The following KIRREL3 variants were observed in gnomAD, a reference collection of about 807,000 sequenced individuals.
The protein encoded by KIRREL3 is kirre like nephrin family adhesion molecule 3.
A neutral mutation model predicts 89.7 loss-of-function variants in KIRREL3; 36 were observed. That is an observed-to-expected ratio of 0.40 (90% CI 0.31 to 0.53). KIRREL3 has a LOEUF of 0.53. Ranked by LOEUF, KIRREL3 falls within the 20% of genes least tolerant of loss-of-function variation. The probability of loss-of-function intolerance (pLI) is 0.49; values close to 1 mark genes in which losing one functional copy is unlikely to be tolerated. For synonymous variants in KIRREL3, 445 were observed against 441.4 expected (o/e 1.01, Z -0.10); for missense variants, 864 against 1,056.6 (o/e 0.82, Z 2.53).
At chr11:126,967,322 C>T (rs1361885923) in intron 1 of KIRREL3, among the ~76,000 whole-genome samples, 2 of 152,114 alleles carry the variant, frequency 1.3e-5, no homozygotes, top group African/African-American at 4.8e-5. Flanking sequence ...TTCTAACAGC[C>T]CCTGGAACCT....
chr11:126,712,350 C>T (rs1324420469), intron 1 of KIRREL3, among the ~76,000 whole-genome samples: 6 of 152,050 alleles, frequency 3.9e-5, no homozygotes, highest in Admixed American at 3.9e-4. Flanking sequence ...CCCAAGGCGG[C>T]CTCTCTGAGT....
chr11:126,652,353 C>T lies in KIRREL3; in HGVS notation c.56-89441G>A, dbSNP rs1339089190. 6.6e-6 allele frequency among the ~76,000 whole-genome samples: 1 copy of T among 152,124 alleles called. No homozygotes were observed. The highest frequency in any genetic ancestry group is 1.5e-5 in the Non-Finnish European group (1 of 68,024). Reference sequence around the variant, plus strand: ...CTTAGGGCACAAAGAAGAACCAAGACAGGAGAGGAAGCCTGGGCCAAGCCT... The same window carrying T: ...CTTAGGGCACAAAGAAGAACCAAGATAGGAGAGGAAGCCTGGGCCAAGCCT... On this transcript the variant is annotated intron_variant, in intron 1 of 16. Coordinates refer to ENST00000525144, the MANE Select transcript of KIRREL3 (RefSeq NM_032531.4). The surrounding 1 kb of genome is among the most constrained non-coding windows in gnomAD (Gnocchi z 4.9).
intron 1 of KIRREL3, among the ~76,000 whole-genome samples, chr11:126,756,589 A>G (rs1949510533): frequency 6.6e-6 from 1 of 152,236 alleles, no homozygotes; most frequent in South Asian, 2.1e-4. Flanking sequence ...CATCCCTGGA[A>G]GAGAGTGGAG....
intron 1 of KIRREL3, among the ~76,000 whole-genome samples, chr11:126,598,443 T>A (rs1942498802): frequency 6.6e-6 from 1 of 152,194 alleles, no homozygotes; most frequent in South Asian, 2.1e-4. Flanking sequence ...TATTCAGAGA[T>A]CACTGGTAGG....
At chr11:126,712,478 G>A (rs1416882924) in intron 1 of KIRREL3, among the ~76,000 whole-genome samples, 1 of 152,314 alleles carries the variant, frequency 6.6e-6, no homozygotes, top group South Asian at 2.1e-4. Flanking sequence ...CACCTCGCCC[G>A]TCCTTGGGTT....
At chr11:126,934,220 G>C (rs1622650) in intron 1 of KIRREL3, among the ~76,000 whole-genome samples, 133,688 of 152,186 alleles carry the variant, frequency 0.88, 58,917 homozygotes, top group Middle Eastern at 0.96. Flanking sequence ...TGGAAGAATA[G>C]TCTTTTCAAC....
At chr11:126,975,986 C>A (rs1949564183) in intron 1 of KIRREL3, among the ~76,000 whole-genome samples, 1 of 143,048 alleles carries the variant, frequency 7.0e-6, no homozygotes, top group East Asian at 2.2e-4. Context: ...CAGTATATGC[C>A]CCAGTTTGTA....
rs931069760 is a variant in KIRREL3, at chr11:126,768,261, C to A, written c.56-205349G>T. Among the ~76,000 whole-genome samples the A allele has an allele frequency of 2.7e-5, 4 of 147,068 alleles. No individual in the cohort carries two copies. Among genetic ancestry groups the A allele is most frequent in the African/African-American group, 7.8e-5 (3 of 38,634 alleles). ...ATCTGTCCATCCATACATGCATCCA[C>A]CCATCCATCCATCCATTCATCCATC... On this transcript the variant is annotated intron_variant, in intron 1 of 16. Coordinates refer to ENST00000525144, the MANE Select transcript of KIRREL3 (RefSeq NM_032531.4). The surrounding 1 kb of genome is among the most constrained non-coding windows in gnomAD (Gnocchi z 4.5).
At position 126,895,292 on chromosome 11, in the gene KIRREL3, G is replaced by A. The variant is rs111881663; in HGVS notation, c.55+105163C>T. 4.5e-3 allele frequency among the ~76,000 whole-genome samples: 683 copies of A among 151,786 alleles called. 3 individuals carry two copies. The highest frequency in any genetic ancestry group is 0.014 in the African/African-American group (592 of 41,396). ...AGCCTGGGCAACATGGTGAAACCCC[G>A]TCTCTACTAAAAATACAAAAATTAG... is the stretch of plus-strand genomic sequence containing the variant. On this transcript the variant is annotated intron_variant, in intron 1 of 16. Coordinates refer to ENST00000525144, the MANE Select transcript of KIRREL3 (RefSeq NM_032531.4).
chr11:126,578,112 T>A lies in KIRREL3; in HGVS notation c.56-15200A>T, dbSNP rs1941353710. On this transcript the variant is annotated intron_variant, in intron 1 of 16. Transcript: ENST00000525144. The surrounding 1 kb of genome is among the most constrained non-coding windows in gnomAD (Gnocchi z 4.9). ...CAGCCTTGCAACTTTGCCTCATTAG[T>A]CCCAAATTTGCACTGTGAGGCAACA... Among the ~76,000 whole-genome samples the A allele has an allele frequency of 6.6e-6, 1 of 152,182 alleles. No individual in the cohort carries two copies. Among genetic ancestry groups the A allele is most frequent in the African/African-American group, 2.4e-5 (1 of 41,456 alleles).
At position 126,656,832 on chromosome 11, in the gene KIRREL3, G is replaced by A. The variant is rs1945160996; in HGVS notation, c.56-93920C>T. Among the ~76,000 whole-genome samples, 1 of 152,140 alleles carries A rather than the reference G, an allele frequency of 6.6e-6. No homozygotes were observed. Among genetic ancestry groups the A allele is most frequent in the Admixed American group, 6.5e-5 (1 of 15,290 alleles). ...TTTGGGAGGCCAAGGTGTGTGCATC[G>A]CTTGGGGCTGGGAGTCCCAGACCAG... On this transcript the variant is annotated intron_variant, in intron 1 of 16. Coordinates refer to ENST00000525144, the MANE Select transcript of KIRREL3 (RefSeq NM_032531.4). The surrounding 1 kb of genome is among the most constrained non-coding windows in gnomAD (Gnocchi z 4.0).
intron 1 of KIRREL3, among the ~76,000 whole-genome samples, chr11:126,922,121 G>GTCTATCTA (rs60938174): frequency 0.018 from 2,547 of 140,028 alleles, 26 homozygotes; most frequent in African/African-American, 0.02. Flanking sequence ...CTATCTGTCT[G>GTCTATCTA]TCTATCTATC....
chr11:126,849,892 C>A (rs970170364), intron 1 of KIRREL3, among the ~76,000 whole-genome samples: 1 of 152,022 alleles, frequency 6.6e-6, no homozygotes, highest in East Asian at 1.9e-4. Flanking sequence ...TGACAGAATA[C>A]CAGCAGCCTG....
At chr11:126,504,434 C>T (rs1447664970) in intron 4 of KIRREL3, among the ~76,000 whole-genome samples, 1 of 152,224 alleles carries the variant, frequency 6.6e-6, no homozygotes, top group Non-Finnish European at 1.5e-5. Flanking sequence ...AGATCCACAG[C>T]TGACTTCGTC....
rs1477388727 is a variant in KIRREL3, at chr11:126,807,284, G to A, written c.55+193171C>T. Among the ~76,000 whole-genome samples, 1 of 152,192 alleles carries A rather than the reference G, an allele frequency of 6.6e-6. No individual in the cohort carries two copies. The highest frequency in any genetic ancestry group is 1.5e-5 in the Non-Finnish European group (1 of 68,038). On this transcript the variant is annotated intron_variant, in intron 1 of 16. Transcript: ENST00000525144. The surrounding 1 kb of genome is among the most constrained non-coding windows in gnomAD (Gnocchi z 4.3). ...ATGTCATCTGAAATTTTACAATGGA[G>A]CACAGGAAATTGCCAGGTCACTAAG...
At chr11:126,584,682 C>T (rs1020617163) in intron 1 of KIRREL3, among the ~76,000 whole-genome samples, 2 of 152,264 alleles carry the variant, frequency 1.3e-5, no homozygotes, top group African/African-American at 4.8e-5. Context: ...TCTAACTGGA[C>T]TGAAGGTGAA....
In KIRREL3 at chr11:126,526,924, T is replaced by G. The variant is rs1958781222; in HGVS notation, c.134-237A>C. ...CCTCTGCCCATCAGTCCCTAACACA[T>G]GGACTGGTCTAGCCACACCCCAGCT... On this transcript the variant is annotated intron_variant, in intron 2 of 16. Transcript: ENST00000525144. This position sits in a 1 kb window ranked among gnomAD's most constrained non-coding sequence, Gnocchi z 5.7. 6.6e-6 allele frequency among the ~76,000 whole-genome samples: 1 copy of G among 152,148 alleles called. No individual in the cohort carries two copies. Among genetic ancestry groups the G allele is most frequent in the Non-Finnish European group, 1.5e-5 (1 of 67,996 alleles).
At position 126,476,196 on chromosome 11, in the gene KIRREL3, G is replaced by A. The variant is rs943271543; in HGVS notation, c.434-2730C>T. 5.9e-5 allele frequency among the ~76,000 whole-genome samples: 9 copies of A among 152,198 alleles called. No individual in the cohort carries two copies. Among genetic ancestry groups the A allele is most frequent in the Admixed American group, 6.5e-5 (1 of 15,284 alleles). ...CTTGACTGCATGCTCCTCTGCAGAG[G>A]TTTTAAAACCTCACTGCGGGCCACA... On this transcript the variant is annotated intron_variant, in intron 4 of 16. Transcript: ENST00000525144. The surrounding 1 kb of genome is among the most constrained non-coding windows in gnomAD (Gnocchi z 6.4).
intron 1 of KIRREL3, among the ~76,000 whole-genome samples, chr11:126,737,348 G>A (rs1202173337): frequency 1.3e-5 from 2 of 152,130 alleles, no homozygotes; most frequent in Non-Finnish European, 2.9e-5. Flanking sequence ...GACGGCACAA[G>A]GCACAGTGGG....
Sources: allele counts gnomAD v4.1 joint callset (sites outside exome capture counted in the v4.1 genomes callset), GRCh38; gene constraint gnomAD v4.1.1; non-coding constraint Gnocchi (gnomAD v3.1); transcripts MANE v1.5; gene names NCBI Gene and HGNC (gene_info 2026-07-23, HGNC 2026-07-21).